PPA2: variants seen among roughly 807,000 people sequenced by gnomAD.
PPA2 encodes inorganic pyrophosphatase 2, mitochondrial.
A neutral mutation model predicts 49.5 loss-of-function variants in PPA2; 48 were observed. The observed-to-expected ratio is 0.97, with a 90% confidence interval of 0.77 to 1.23. The LOEUF is 1.23. PPA2 is among the 50% of genes most tolerant of loss of function. The pLI, the probability that PPA2 is intolerant of heterozygous loss-of-function variation, is 0.00. For synonymous variants in PPA2, 131 were observed against 139.9 expected (o/e 0.94, Z 0.45); for missense variants, 429 against 410.1 (o/e 1.05, Z -0.40).
chr4:105,450,800 G>T (rs780072891), intron 3 of PPA2, among the ~76,000 whole-genome samples: 20 of 152,074 alleles, frequency 1.3e-4, no homozygotes, highest in Non-Finnish European at 2.8e-4. Flanking sequence ...GTAGAGACAG[G>T]GTTTCACTGT....
At chr4:105,398,117 G>A (rs41426946) in intron 8 of PPA2, among the ~76,000 whole-genome samples, 2,106 of 151,864 alleles carry the variant, frequency 0.014, 49 homozygotes, top group African/African-American at 0.046. Flanking sequence ...TTACAAATTC[G>A]TGACTTGGCA....
chr4:105,370,990 A>C (rs1186873600), intron 10 of PPA2, 117 bp from the exon 11 acceptor site: 3 of 976,698 alleles, frequency 3.1e-6, no homozygotes, highest in East Asian at 7.4e-5. Flanking sequence ...TGGATCTCTA[A>C]CCTGAAAAAG....
intron 1 of PPA2, among the ~76,000 whole-genome samples, chr4:105,469,211 G>A (rs775942613): frequency 2.0e-5 from 3 of 152,102 alleles, no homozygotes; most frequent in Non-Finnish European, 2.9e-5. Flanking sequence ...TTTCACTGTC[G>A]TCAAAAATCA....
At chr4:105,406,359 C>T (rs1022832798) in intron 7 of PPA2, among the ~76,000 whole-genome samples, 6 of 151,790 alleles carry the variant, frequency 4.0e-5, no homozygotes, top group Non-Finnish European at 8.8e-5. Flanking sequence ...AGTCTCAGAA[C>T]GCAGGTAAGA....
intron 1 of PPA2, among the ~76,000 whole-genome samples, chr4:105,466,293 T>C (rs974151548): frequency 6.6e-6 from 1 of 151,960 alleles, no homozygotes; most frequent in Non-Finnish European, 1.5e-5. Context: ...TCAGTAAATA[T>C]TTCTTGAATA....
At chr4:105,463,338 A>T (rs1723170454) in intron 1 of PPA2, among the ~76,000 whole-genome samples, 2 of 152,136 alleles carry the variant, frequency 1.3e-5, no homozygotes, top group Admixed American at 1.3e-4. Context: ...AACTTGAGAG[A>T]GATGATTTAG....
At chr4:105,450,590 G>A (rs1408686610) in intron 3 of PPA2, among the ~76,000 whole-genome samples, 2 of 123,474 alleles carry the variant, frequency 1.6e-5, no homozygotes, top group Non-Finnish European at 3.4e-5. Context: ...TGGCCAGGCT[G>A]GTCTGGAATT....
At chr4:105,450,352 AT>A (rs1722611589) in intron 3 of PPA2, among the ~76,000 whole-genome samples, 1 of 151,938 alleles carries the variant, frequency 6.6e-6, no homozygotes, top group Non-Finnish European at 1.5e-5. Flanking sequence ...ATAATAAAAA[AT>A]TGGAATCTGA....
At chr4:105,454,225 T>C (rs531319948) in intron 2 of PPA2, among the ~76,000 whole-genome samples, 2 of 152,316 alleles carry the variant, frequency 1.3e-5, no homozygotes, top group East Asian at 3.9e-4. Context: ...CCAAAATGAC[T>C]ACTAATGAAG....
chr4:105,473,325 T>C, intron 1 of PPA2: 1 of 274,918 alleles, frequency 3.6e-6, no homozygotes, highest in Non-Finnish European at 7.2e-6. Flanking sequence ...ACTCAGGGTG[T>C]AAACTTGTGC....
chr4:105,434,789 C>T (rs73836208), intron 6 of PPA2, among the ~76,000 whole-genome samples: 1,901 of 152,244 alleles, frequency 0.012, 43 homozygotes, highest in African/African-American at 0.041. Flanking sequence ...ATGAGACACA[C>T]TCTTTGACTT....
At chr4:105,437,182 T>G (rs1353786601) in intron 6 of PPA2, among the ~76,000 whole-genome samples, 1 of 152,062 alleles carries the variant, frequency 6.6e-6, no homozygotes, top group Non-Finnish European at 1.5e-5. Context: ...AAGAAACACA[T>G]GAAAAATGCT....
intron 10 of PPA2, among the ~76,000 whole-genome samples, chr4:105,384,873 A>G (rs1733620980): frequency 1.3e-5 from 2 of 152,174 alleles, no homozygotes; most frequent in Admixed American, 1.3e-4. Context: ...AAGAAATGCA[A>G]TCCTTAAATA....
At chr4:105,444,750 C>T (rs559485750) in intron 5 of PPA2, among the ~76,000 whole-genome samples, 2 of 152,136 alleles carry the variant, frequency 1.3e-5, no homozygotes, top group South Asian at 4.2e-4. Flanking sequence ...GCCTATTATA[C>T]CACATCATAA....
At chr4:105,451,473 T>A (rs771716854) in intron 3 of PPA2, among the ~76,000 whole-genome samples, 3 of 152,246 alleles carry the variant, frequency 2.0e-5, no homozygotes. Context: ...TTAGCAACCT[T>A]ACATACAGTC....
At chr4:105,371,269 A>G (rs1026062487) in intron 10 of PPA2, among the ~76,000 whole-genome samples, 4 of 152,214 alleles carry the variant, frequency 2.6e-5, no homozygotes, top group Non-Finnish European at 5.9e-5. Context: ...TTGCTAAAAA[A>G]TTTATCTGTC....
chr4:105,396,548 G>A (rs1053501104), intron 8 of PPA2, among the ~76,000 whole-genome samples: 5 of 152,146 alleles, frequency 3.3e-5, no homozygotes, highest in Non-Finnish European at 7.3e-5. Flanking sequence ...CTTCATCTAT[G>A]AAGTAGAATA....
At chr4:105,461,561 G>A (rs1223797670) in intron 1 of PPA2, among the ~76,000 whole-genome samples, 2 of 152,112 alleles carry the variant, frequency 1.3e-5, no homozygotes, top group African/African-American at 4.8e-5. Flanking sequence ...TGAGGGAAAG[G>A]GTATAAGCAG....
At chr4:105,430,296 T>C (rs953944326) in intron 6 of PPA2, among the ~76,000 whole-genome samples, 5 of 152,240 alleles carry the variant, frequency 3.3e-5, no homozygotes, top group African/African-American at 7.2e-5. Flanking sequence ...TGCATGGAAT[T>C]GTAATTAGTT....
Sources: allele counts gnomAD v4.1 joint callset (sites outside exome capture counted in the v4.1 genomes callset), GRCh38; gene constraint gnomAD v4.1.1; transcripts MANE v1.5; gene names NCBI Gene and HGNC (gene_info 2026-07-23, HGNC 2026-07-21).